ERC2: variants seen among roughly 807,000 people sequenced by gnomAD.
ERC2 encodes the protein ERC protein 2.
ERC2 carries 42 observed loss-of-function variants against 114.8 expected under a neutral mutation model. The ratio of observed to expected loss-of-function variants is 0.37; its 90% CI spans 0.29 to 0.47. ERC2 has a LOEUF of 0.47. Ranked by LOEUF, ERC2 falls within the 20% of genes least tolerant of loss-of-function variation. The pLI is 0.99. For missense variants in ERC2, 939 were observed against 1,150.7 expected, an observed-to-expected ratio of 0.82 and a Z score of 2.66; for synonymous variants, 454 against 425.5, an observed-to-expected ratio of 1.07 and a Z score of -0.82.
At chr3:55,951,238 A>T (rs1365399433) in intron 12 of ERC2, among the ~76,000 whole-genome samples, 1 of 152,164 alleles carries the variant, frequency 6.6e-6, no homozygotes, top group Non-Finnish European at 1.5e-5. Flanking sequence ...AATTATTATT[A>T]TTATTCTTTT....
chr3:56,411,782 C>A (rs1307570765), intron 2 of ERC2, among the ~76,000 whole-genome samples: 1 of 152,114 alleles, frequency 6.6e-6, no homozygotes, highest in Non-Finnish European at 1.5e-5. Flanking sequence ...GGACTTGAAA[C>A]CAGAGCTATG....
At chr3:55,699,843 C>T (rs759015642) in intron 15 of ERC2, among the ~76,000 whole-genome samples, 31 of 152,098 alleles carry the variant, frequency 2.0e-4, no homozygotes, top group Admixed American at 5.2e-4. Flanking sequence ...CTTGCAATTG[C>T]AACAATTATG....
intron 14 of ERC2, among the ~76,000 whole-genome samples, chr3:55,811,084 C>A (rs549968620): frequency 6.6e-6 from 1 of 152,192 alleles, no homozygotes; most frequent in Non-Finnish European, 1.5e-5. Flanking sequence ...CTATCTGATA[C>A]AGGAGCCACT....
At chr3:55,759,767 T>A (rs1477454805) in intron 14 of ERC2, among the ~76,000 whole-genome samples, 3 of 152,210 alleles carry the variant, frequency 2.0e-5, no homozygotes, top group African/African-American at 7.2e-5. Flanking sequence ...TTTCCAATTA[T>A]CTGAATGACT....
intron 6 of ERC2, among the ~76,000 whole-genome samples, chr3:56,106,006 C>T (rs1247463282): frequency 6.6e-6 from 1 of 152,154 alleles, no homozygotes; most frequent in Non-Finnish European, 1.5e-5. Flanking sequence ...CAATTCAGGA[C>T]TTATGTTTCT....
intron 14 of ERC2, among the ~76,000 whole-genome samples, chr3:55,850,845 AACACACACACACACACACAC>A (rs61573924): frequency 7.9e-6 from 1 of 125,868 alleles, no homozygotes; most frequent in East Asian, 2.4e-4. Flanking sequence ...CTCTTTTTCA[AACACACACACACACACACAC>A]ACACACACAC....
At chr3:56,194,361 G>A (rs530665860) in intron 3 of ERC2, among the ~76,000 whole-genome samples, 3 of 152,206 alleles carry the variant, frequency 2.0e-5, no homozygotes, top group South Asian at 2.1e-4. Flanking sequence ...TAGATTATGC[G>A]GCGAGGCCCG....
intron 13 of ERC2, among the ~76,000 whole-genome samples, chr3:55,902,382 G>A (rs377656080): frequency 4.9e-4 from 75 of 152,066 alleles, no homozygotes; most frequent in African/African-American, 1.6e-3. Flanking sequence ...CCCTCCTCTC[G>A]GCGATTACTG....
intron 3 of ERC2, among the ~76,000 whole-genome samples, chr3:56,176,819 A>T (rs6445769): frequency 0.91 from 138,859 of 152,254 alleles, 63,812 homozygotes; most frequent in East Asian, 1. Flanking sequence ...TCTTCCATAC[A>T]ATAGAGTTGT....
At chr3:56,368,978 A>G (rs2059259533) in intron 2 of ERC2, among the ~76,000 whole-genome samples, 1 of 152,192 alleles carries the variant, frequency 6.6e-6, no homozygotes, top group African/African-American at 2.4e-5. Flanking sequence ...CTACTCCATA[A>G]TAGGACCTCA....
chr3:56,282,939 C>T (rs948473204), intron 3 of ERC2, among the ~76,000 whole-genome samples: 3 of 152,170 alleles, frequency 2.0e-5, no homozygotes, highest in Non-Finnish European at 4.4e-5. Context: ...ATAACCACAG[C>T]CTAGAAAAAG....
intron 13 of ERC2, among the ~76,000 whole-genome samples, chr3:55,933,282 G>A (rs533701538): frequency 2.0e-5 from 3 of 151,558 alleles, no homozygotes; most frequent in South Asian, 2.1e-4. Flanking sequence ...AGGCTTAGAA[G>A]TGAGAAAGCC....
chr3:56,156,126 G>C (rs2081705846), intron 4 of ERC2, among the ~76,000 whole-genome samples: 1 of 152,142 alleles, frequency 6.6e-6, no homozygotes, highest in South Asian at 2.1e-4. Context: ...AGTGGTGAAA[G>C]AATTCTCAGA....
At chr3:56,286,613 A>G (rs2054735917) in intron 3 of ERC2, among the ~76,000 whole-genome samples, 1 of 152,118 alleles carries the variant, frequency 6.6e-6, no homozygotes, top group African/African-American at 2.4e-5. Context: ...CTTATTATCT[A>G]ATTCAGGGGT....
intron 7 of ERC2, among the ~76,000 whole-genome samples, chr3:56,034,115 A>G (rs2074644527): frequency 6.6e-6 from 1 of 152,252 alleles, no homozygotes; most frequent in Non-Finnish European, 1.5e-5. Context: ...ATATAGGCTG[A>G]AAGTCAATGA....
At chr3:56,400,130 G>A (rs1417014275) in intron 2 of ERC2, among the ~76,000 whole-genome samples, 1 of 152,030 alleles carries the variant, frequency 6.6e-6, no homozygotes, top group African/African-American at 2.4e-5. Context: ...TGTGATAACA[G>A]TATTATATTT....
intron 3 of ERC2, among the ~76,000 whole-genome samples, chr3:56,295,671 A>G (rs2055381916): frequency 6.6e-6 from 1 of 152,138 alleles, no homozygotes; most frequent in African/African-American, 2.4e-5. Context: ...TCCTTTAGAG[A>G]GATGATATTT....
chr3:56,399,364 G>A (rs1453530746), intron 2 of ERC2, among the ~76,000 whole-genome samples: 1 of 152,160 alleles, frequency 6.6e-6, no homozygotes, highest in African/African-American at 2.4e-5. Context: ...TGCAAGCATG[G>A]ACTATAGATA....
chr3:55,684,462 G>A (rs71309924), intron 16 of ERC2, among the ~76,000 whole-genome samples: 21,061 of 152,216 alleles, frequency 0.14, 1,977 homozygotes, highest in Non-Finnish European at 0.2. Flanking sequence ...CTCTCAGCAT[G>A]AAAGAGGATG....
Sources: gnomAD v4.1 joint callset for allele counts (sites outside exome capture counted in the v4.1 genomes callset) on GRCh38, gnomAD v4.1.1 for gene constraint, MANE v1.5 for transcripts, NCBI Gene and HGNC (gene_info 2026-07-23, HGNC 2026-07-21) for gene names.